Variants in RIT2 observed in about 807,000 individuals in gnomAD.
RIT2 encodes the protein GTP-binding protein Rit2.
In RIT2, 24 loss-of-function variants were observed where a neutral mutation model predicts 23.7. That is an observed-to-expected ratio of 1.01 (90% confidence interval 0.73 to 1.43). The LOEUF is 1.43. RIT2 is among the 40% of genes most tolerant of loss of function. RIT2 has a pLI of 0.00. For synonymous variants in RIT2, 107 were observed against 91.1 expected, an observed-to-expected ratio of 1.17 and a Z score of -0.99; for missense variants, 236 against 266.9, an observed-to-expected ratio of 0.88 and a Z score of 0.81.
At chr18:42,772,758 A>G (rs1025039323) in intron 4 of RIT2, among the ~76,000 whole-genome samples, 2 of 152,134 alleles carry the variant, frequency 1.3e-5, no homozygotes, top group Admixed American at 6.6e-5. Flanking sequence ...AGAACTGATC[A>G]CCAGAAAGGC....
chr18:43,074,755 A>G (rs1484636568), intron 1 of RIT2, among the ~76,000 whole-genome samples: 2 of 152,344 alleles, frequency 1.3e-5, no homozygotes, highest in East Asian at 3.9e-4. Context: ...AGGGACATGC[A>G]TGGAGCTGGA....
At chr18:42,867,218 G>T (rs1405163735) in intron 4 of RIT2, among the ~76,000 whole-genome samples, 2 of 152,092 alleles carry the variant, frequency 1.3e-5, no homozygotes, top group African/African-American at 4.8e-5. Context: ...TGGGGATTCT[G>T]TAAAATTCAT....
intron 2 of RIT2, among the ~76,000 whole-genome samples, chr18:42,993,507 T>C (rs1335667037): frequency 1.3e-5 from 2 of 152,160 alleles, no homozygotes; most frequent in African/African-American, 4.8e-5. Context: ...TTCCCTTGCC[T>C]CCATAACTGT....
At chr18:43,058,796 G>A (rs1912570414) in intron 1 of RIT2, among the ~76,000 whole-genome samples, 1 of 152,074 alleles carries the variant, frequency 6.6e-6, no homozygotes, top group Admixed American at 6.6e-5. Flanking sequence ...GGCTGAGGTG[G>A]GAGAATTACT....
chr18:42,927,052 T>A (rs1042872219), intron 3 of RIT2, among the ~76,000 whole-genome samples: 33 of 151,986 alleles, frequency 2.2e-4, no homozygotes, highest in African/African-American at 8.0e-4. Flanking sequence ...GTTAAAATGC[T>A]TTGATGAATT....
chr18:42,879,623 G>T (rs1391131606), intron 4 of RIT2, among the ~76,000 whole-genome samples: 47 of 151,096 alleles, frequency 3.1e-4, no homozygotes, highest in Admixed American at 3.0e-3. Flanking sequence ...TTACTTTTTT[G>T]AGTTTTTTTC....
intron 1 of RIT2, among the ~76,000 whole-genome samples, chr18:43,047,230 T>C (rs1410729862): frequency 6.6e-6 from 1 of 152,110 alleles, no homozygotes; most frequent in Non-Finnish European, 1.5e-5. Context: ...TTTTTTCTTA[T>C]AATCTTCCGC....
intron 4 of RIT2, among the ~76,000 whole-genome samples, chr18:42,797,616 A>G (rs900627377): frequency 1.3e-5 from 2 of 152,096 alleles, no homozygotes; most frequent in African/African-American, 4.8e-5. Context: ...CAAATGCAAG[A>G]CCCCCAAGAT....
At chr18:42,986,203 C>T (rs1910705478) in intron 2 of RIT2, among the ~76,000 whole-genome samples, 1 of 151,808 alleles carries the variant, frequency 6.6e-6, no homozygotes, top group Admixed American at 6.6e-5. Flanking sequence ...CCACGCCTGG[C>T]TAATTTTTGT....
rs114303138 is a variant in RIT2, at chr18:43,055,348, C to T, written c.104-21481G>A. Among the ~76,000 whole-genome samples, 648 of 152,134 alleles carry T rather than the reference C, an allele frequency of 4.3e-3. 5 individuals carry two copies. Among genetic ancestry groups the T allele is most frequent in the African/African-American group, 0.014 (598 of 41,532 alleles). ...CTTGATGGATGTCTGGTGATGAAAACAATGATGAAATGGCACTAAGACACT... is the reference window on the plus strand; with the variant it reads ...CTTGATGGATGTCTGGTGATGAAAATAATGATGAAATGGCACTAAGACACT... On this transcript the variant is annotated intron_variant, in intron 1 of 4. Transcript: ENST00000326695.
intron 4 of RIT2, among the ~76,000 whole-genome samples, chr18:42,775,681 A>G (rs1231911892): frequency 2.1e-5 from 3 of 145,190 alleles, no homozygotes; most frequent in African/African-American, 7.7e-5. Flanking sequence ...TGGGCGACAG[A>G]GCGAGACTCC....
intron 4 of RIT2, among the ~76,000 whole-genome samples, chr18:42,811,263 G>C (rs968858580): frequency 1.3e-5 from 2 of 152,024 alleles, no homozygotes; most frequent in African/African-American, 4.8e-5. Flanking sequence ...GTTTTCCACT[G>C]AATATTAAAT....
chr18:43,112,711 C>A (rs1913982772), intron 1 of RIT2, among the ~76,000 whole-genome samples: 1 of 151,968 alleles, frequency 6.6e-6, no homozygotes, highest in South Asian at 2.1e-4. Flanking sequence ...TGAGACCAAC[C>A]TGGGCAACAT....
intron 2 of RIT2, among the ~76,000 whole-genome samples, chr18:42,984,138 A>T (rs1158521381): frequency 6.6e-6 from 1 of 152,140 alleles, no homozygotes; most frequent in Non-Finnish European, 1.5e-5. Flanking sequence ...CATAATAGCA[A>T]AAAACTGTAC....
At chr18:42,877,267 T>C (rs926907744) in intron 4 of RIT2, among the ~76,000 whole-genome samples, 3 of 151,838 alleles carry the variant, frequency 2.0e-5, no homozygotes, top group African/African-American at 7.2e-5. Flanking sequence ...TTTTGATTAA[T>C]GTTTTATTCC....
chr18:42,898,001 GA>G (rs200204373), intron 4 of RIT2, among the ~76,000 whole-genome samples: 2,271 of 152,304 alleles, frequency 0.015, 27 homozygotes, highest in South Asian at 0.032. Flanking sequence ...AGAGGTAGAG[GA>G]GGGTGAAATG....
At chr18:43,100,087 A>G (rs1913646911) in intron 1 of RIT2, among the ~76,000 whole-genome samples, 1 of 152,130 alleles carries the variant, frequency 6.6e-6, no homozygotes, top group South Asian at 2.1e-4. Flanking sequence ...CAGTTATTAC[A>G]TTGGAAAGCA....
At chr18:43,081,384 G>A (rs1913153809) in intron 1 of RIT2, among the ~76,000 whole-genome samples, 2 of 151,884 alleles carry the variant, frequency 1.3e-5, no homozygotes, top group Admixed American at 6.6e-5. Context: ...ATATTTATTG[G>A]CAACCATGCA....
intron 2 of RIT2, among the ~76,000 whole-genome samples, chr18:42,996,718 T>C (rs1246506632): frequency 6.6e-6 from 1 of 152,094 alleles, no homozygotes; most frequent in Non-Finnish European, 1.5e-5. Context: ...CTGACTCTTT[T>C]TTCGGACTCA....
Sources: allele counts gnomAD v4.1 joint callset (sites outside exome capture counted in the v4.1 genomes callset), GRCh38; gene constraint gnomAD v4.1.1; transcripts MANE v1.5; gene names NCBI Gene and HGNC (gene_info 2026-07-23, HGNC 2026-07-21).